The following RBFOX3 variants were observed in gnomAD, a reference collection of about 807,000 sequenced individuals.
The protein encoded by RBFOX3 is RNA binding fox-1 homolog 3.
A neutral mutation model predicts 48.7 loss-of-function variants in RBFOX3; 17 were observed. The observed-to-expected ratio is 0.35, with a 90% CI of 0.24 to 0.52. The LOEUF is 0.52. Ranked by LOEUF, RBFOX3 falls within the 20% of genes least tolerant of loss-of-function variation. The pLI is 0.94. For missense variants in RBFOX3, 382 were observed against 497.5 expected (o/e 0.77, Z 2.21); for synonymous variants, 212 against 209.5 (o/e 1.01, Z -0.10).
At chr17:79,319,836 G>T (rs1459263369) in intron 2 of RBFOX3, among the ~76,000 whole-genome samples, 1 of 54,248 alleles carries the variant, frequency 1.8e-5, no homozygotes, top group Non-Finnish European at 3.7e-5. Flanking sequence ...TGCTGGTCTT[G>T]TCCGGGCTGC....
Position 79,540,171 on chromosome 17 carries a change from C to T in RBFOX3, c.-319-57573G>A, listed in dbSNP as rs182972016. ...CACACACTCACAGGTGCTGACCATT[C>T]GTCACCCTCCAAGAACATTCTGACT... On this transcript the variant is annotated intron_variant, in intron 1 of 14. Transcript: ENST00000693108. 1.6e-3 allele frequency among the ~76,000 whole-genome samples: 245 copies of T among 152,326 alleles called. 1 individual carries two copies. Among genetic ancestry groups the T allele is most frequent in the African/African-American group, 5.7e-3 (238 of 41,566 alleles).
intron 2 of RBFOX3, among the ~76,000 whole-genome samples, chr17:79,369,826 T>A (rs2058282299): frequency 6.6e-6 from 1 of 152,154 alleles, no homozygotes; most frequent in Non-Finnish European, 1.5e-5. Context: ...GTCAAACATC[T>A]GAGTGTCTAT....
chr17:79,517,444 CA>C lies in RBFOX3; in HGVS notation c.-319-34847del, dbSNP rs1231600861. On this transcript the variant is annotated intron_variant, in intron 1 of 14. Coordinates refer to ENST00000693108, the MANE Select transcript of RBFOX3 (RefSeq NM_001350451.2). ...TGGACTATACAGTGAGAGTCTGTCT[CA>C]AAAAAAAAAAAAAAAACAAACAAAA... is the stretch of plus-strand genomic sequence containing the variant. Among the ~76,000 whole-genome samples the C allele has an allele frequency of 7.6e-3, 719 of 94,910 alleles. 7 individuals carry two copies. Among genetic ancestry groups the C allele is most frequent in the South Asian group, 0.059 (160 of 2,692 alleles). 62.3% of individuals were successfully genotyped at this position (94,910 alleles called of 152,430 possible).
At chr17:79,384,141 G>T (rs2060274805) in intron 2 of RBFOX3, among the ~76,000 whole-genome samples, 1 of 152,236 alleles carries the variant, frequency 6.6e-6, no homozygotes, top group African/African-American at 2.4e-5. Flanking sequence ...GCCAGGTCAG[G>T]CAGGTCCAGG....
chr17:79,305,035 G>A (rs1165593401), intron 3 of RBFOX3, among the ~76,000 whole-genome samples: 7 of 152,188 alleles, frequency 4.6e-5, no homozygotes, highest in Admixed American at 6.5e-5. Flanking sequence ...GGTGGACTCC[G>A]CTGTGGCCCT....
upstream of RBFOX3, among the ~76,000 whole-genome samples, chr17:79,611,163 T>TCGCTCTCG (rs1568454594): frequency 8.3e-5 from 2 of 24,042 alleles, no homozygotes; most frequent in South Asian, 2.0e-3. Flanking sequence ...TCTCTCTCTC[T>TCGCTCTCG]CTCTCTCTCT....
intron 2 of RBFOX3, among the ~76,000 whole-genome samples, chr17:79,329,095 A>C (rs1296149388): frequency 1.3e-5 from 2 of 152,092 alleles, no homozygotes; most frequent in African/African-American, 4.8e-5. Context: ...TCCCCACCCC[A>C]CCCACTAAAT....
rs528104924 is a variant in RBFOX3 at position 79,392,408 on chromosome 17, G to A, written c.-174-84584C>T. ...AAGATTCATAAGCTAACTCTCACAC[G>A]GTAGTGAGCGCAGGGCCCGGCCACT... On this transcript the variant is annotated intron_variant, in intron 2 of 14. Coordinates refer to ENST00000693108, the MANE Select transcript of RBFOX3 (RefSeq NM_001350451.2). The surrounding 1 kb of genome is among the most constrained non-coding windows in gnomAD (Gnocchi z 5.0). Among the ~76,000 whole-genome samples, 3 of 152,280 alleles carry A rather than the reference G, an allele frequency of 2.0e-5. No individual in the cohort carries two copies. The highest frequency in any genetic ancestry group is 6.5e-5 in the Admixed American group (1 of 15,290).
At chr17:79,529,909 G>A (rs1052116202) in intron 1 of RBFOX3, among the ~76,000 whole-genome samples, 19 of 152,224 alleles carry the variant, frequency 1.2e-4, no homozygotes, top group South Asian at 2.1e-4. Context: ...GCTCCTTCAC[G>A]TTCATCCATG....
chr17:79,089,361 G>A lies in RBFOX3; in HGVS notation c.*1522C>T, dbSNP rs1207027946. 1 of 152,644 alleles carries A rather than the reference G, an allele frequency of 6.6e-6. No homozygotes were observed. Among genetic ancestry groups the A allele is most frequent in the South Asian group, 2.1e-4 (1 of 4,830 alleles). The allele number at this position is 152,644 out of a possible 1,614,324, so 9.5% of individuals were successfully genotyped here. On this transcript the variant is annotated 3_prime_UTR_variant, in exon 15 of 15. Coordinates refer to ENST00000693108, the MANE Select transcript of RBFOX3 (RefSeq NM_001350451.2). ...ACAGAGTTGTCCTGGTTTGAAGAAA[G>A]AAATCTTTATTAATAATCTTAATAA...
rs752636281 is a variant in RBFOX3, at chr17:79,477,510, C to A, written c.-175+4944G>T. On this transcript the variant is annotated intron_variant, in intron 2 of 14. Coordinates refer to ENST00000693108, the MANE Select transcript of RBFOX3 (RefSeq NM_001350451.2). This position sits in a 1 kb window ranked among gnomAD's most constrained non-coding sequence, Gnocchi z 4.8. ...GGCGGAGTTTGCAGTGAGCTGAGAT[C>A]GCCCCATCGCACTCCAGCCTGGGCG... Among the ~76,000 whole-genome samples, 6 of 151,662 alleles carry A rather than the reference C, an allele frequency of 4.0e-5. No homozygotes were observed. The highest frequency in any genetic ancestry group is 1.3e-4 in the Admixed American group (2 of 15,244).
chr17:79,315,735 T>TGCCGCCCGTGCC (rs2077451280), intron 2 of RBFOX3, among the ~76,000 whole-genome samples: 1 of 152,110 alleles, frequency 6.6e-6, no homozygotes, highest in Non-Finnish European at 1.5e-5. Flanking sequence ...TTCTGCGGGC[T>TGCCGCCCGTGCC]GCCGCCCGTG....
At chr17:79,209,584 C>A in intron 4 of RBFOX3, among the ~76,000 whole-genome samples, 1 of 152,326 alleles carries the variant, frequency 6.6e-6, no homozygotes, top group Middle Eastern at 3.4e-3. Context: ...CACCTCGGTA[C>A]CCCAGTGTCC....
At chr17:79,154,264 C>G (rs1026127588) in intron 4 of RBFOX3, among the ~76,000 whole-genome samples, 1 of 152,198 alleles carries the variant, frequency 6.6e-6, no homozygotes, top group African/African-American at 2.4e-5. Flanking sequence ...CTCAGTCTTT[C>G]CTTGCCCAGC....
chr17:79,175,063 A>T (rs1599811162), intron 4 of RBFOX3, among the ~76,000 whole-genome samples: 1 of 151,392 alleles, frequency 6.6e-6, no homozygotes, highest in Non-Finnish European at 1.5e-5. Flanking sequence ...CTTCCTCCAT[A>T]CCTGGCAAGT....
intron 1 of RBFOX3, among the ~76,000 whole-genome samples, chr17:79,589,617 T>C (rs1185245374): frequency 6.6e-6 from 1 of 152,194 alleles, no homozygotes; most frequent in Non-Finnish European, 1.5e-5. Context: ...CCCAGGCTCC[T>C]GGAGCTTCCC....
At chr17:79,102,179 C>T (rs2076567706) in intron 8 of RBFOX3, among the ~76,000 whole-genome samples, 1 of 152,194 alleles carries the variant, frequency 6.6e-6, no homozygotes, top group African/African-American at 2.4e-5. Context: ...GGGAGGGGGG[C>T]TCTGGGCACG....
At chr17:79,270,041 C>A (rs935536567) in intron 3 of RBFOX3, among the ~76,000 whole-genome samples, 2 of 152,100 alleles carry the variant, frequency 1.3e-5, no homozygotes, top group Non-Finnish European at 2.9e-5. Flanking sequence ...CTCTCCCCCT[C>A]TGCGAATCAC....
At position 79,349,984 on chromosome 17, in the gene RBFOX3, C is replaced by G. The variant is rs78192051; in HGVS notation, c.-174-42160G>C. ...CAGGAGGAGAGGCTCCAGAAAATCA[C>G]AGTCCACATCGTCCATGCCACCAAA... On this transcript the variant is annotated intron_variant, in intron 2 of 14. Transcript: ENST00000693108. Among the ~76,000 whole-genome samples the G allele has an allele frequency of 4.9e-3, 749 of 152,298 alleles. 6 individuals carry two copies. Among genetic ancestry groups the G allele is most frequent in the African/African-American group, 0.018 (729 of 41,564 alleles).
Sources: allele counts gnomAD v4.1 joint callset (sites outside exome capture counted in the v4.1 genomes callset), GRCh38; gene constraint gnomAD v4.1.1; non-coding constraint Gnocchi (gnomAD v3.1); transcripts MANE v1.5; gene names NCBI Gene and HGNC (gene_info 2026-07-23, HGNC 2026-07-21).